The following PDE4D variants were observed in gnomAD, a reference collection of about 807,000 sequenced individuals.
PDE4D encodes 3',5'-cyclic-AMP phosphodiesterase 4D.
A neutral mutation model predicts 87.4 loss-of-function variants in PDE4D; 24 were observed. The ratio of observed to expected loss-of-function variants is 0.27; its 90% confidence interval spans 0.20 to 0.39. PDE4D has a LOEUF of 0.39. PDE4D is among the 10% of genes least tolerant of loss of function. The pLI, the probability that PDE4D is intolerant of heterozygous loss-of-function variation, is 1.00. For synonymous variants in PDE4D, 384 were observed against 383.2 expected (o/e 1.00, Z -0.02); for missense variants, 714 against 1,041.0 (o/e 0.69, Z 4.32).
intron 1 of PDE4D, among the ~76,000 whole-genome samples, chr5:59,424,379 T>C (rs1243150374): frequency 1.3e-5 from 2 of 152,170 alleles, no homozygotes; most frequent in Non-Finnish European, 2.9e-5. Flanking sequence ...AGTTTTTCCT[T>C]CATAAAACGT....
intron 1 of PDE4D, among the ~76,000 whole-genome samples, chr5:59,321,603 C>T (rs1398488926): frequency 6.6e-6 from 1 of 152,084 alleles, no homozygotes; most frequent in East Asian, 1.9e-4. Context: ...GAGTTTGGCT[C>T]TGAAATGTCT....
At chr5:59,897,813 A>T (rs189400237), upstream of PDE4D, among the ~76,000 whole-genome samples, 8 of 152,290 alleles carry the variant, frequency 5.3e-5, no homozygotes, top group East Asian at 1.4e-3. Context: ...TTTCATCATC[A>T]TATGTGTTAC....
chr5:59,411,675 G>A (rs1215992742), intron 1 of PDE4D, among the ~76,000 whole-genome samples: 1 of 152,026 alleles, frequency 6.6e-6, no homozygotes, highest in Non-Finnish European at 1.5e-5. Context: ...ATTGGATTAG[G>A]GGCCACTCTA....
At chr5:60,163,521 G>A (rs1436364392) in intron 2 of PDE4D, among the ~76,000 whole-genome samples, 4 of 152,152 alleles carry the variant, frequency 2.6e-5, no homozygotes, top group African/African-American at 9.6e-5. Flanking sequence ...CCTACAGACA[G>A]CAAAGGTAGT....
At chr5:60,418,876 A>G (rs113894984) in intron 1 of PDE4D, among the ~76,000 whole-genome samples, 2 of 150,932 alleles carry the variant, frequency 1.3e-5, no homozygotes, top group African/African-American at 4.9e-5. Flanking sequence ...TAGCCCCCTT[A>G]TTTGTTATAA....
At chr5:59,354,574 G>C (rs9292202) in intron 1 of PDE4D, among the ~76,000 whole-genome samples, 7,702 of 152,218 alleles carry the variant, frequency 0.051, 289 homozygotes, top group South Asian at 0.16. Context: ...AAAATTTTAA[G>C]TTATATGATA....
At chr5:60,053,211 A>G (rs950900439) in intron 2 of PDE4D, among the ~76,000 whole-genome samples, 1 of 152,204 alleles carries the variant, frequency 6.6e-6, no homozygotes, top group African/African-American at 2.4e-5. Flanking sequence ...ATACAGAACC[A>G]AAAAAGAGCC....
chr5:59,914,187 A>T (rs1006534919), intron 3 of PDE4D, among the ~76,000 whole-genome samples: 9 of 152,328 alleles, frequency 5.9e-5, no homozygotes, highest in Non-Finnish European at 7.3e-5. Context: ...CAAATATTAC[A>T]AAATCCCTGT....
At chr5:60,322,959 G>A (rs774672326) in intron 1 of PDE4D, among the ~76,000 whole-genome samples, 16 of 152,140 alleles carry the variant, frequency 1.1e-4, no homozygotes, top group East Asian at 1.9e-4. Flanking sequence ...CTGACCATCC[G>A]ATCTTTATCA....
intron 2 of PDE4D, among the ~76,000 whole-genome samples, chr5:60,151,258 C>T (rs1781476213): frequency 6.6e-6 from 1 of 152,142 alleles, no homozygotes; most frequent in South Asian, 2.1e-4. Flanking sequence ...GATCTGCCTG[C>T]CTCAGTCTTC....
At chr5:59,756,798 T>G (rs1580912164) in intron 1 of PDE4D, among the ~76,000 whole-genome samples, 1 of 147,492 alleles carries the variant, frequency 6.8e-6, no homozygotes. Flanking sequence ...TTGATGAATG[T>G]GGAGGTTCTT....
chr5:59,856,552 T>C (rs1745471037), intron 1 of PDE4D, among the ~76,000 whole-genome samples: 1 of 152,202 alleles, frequency 6.6e-6, no homozygotes, highest in Non-Finnish European at 1.5e-5. Context: ...GCAAGTAATT[T>C]TGTAATTGCC....
At chr5:59,237,785 GTGTGT>G (rs1561783006) in intron 1 of PDE4D, among the ~76,000 whole-genome samples, 3,903 of 147,034 alleles carry the variant, frequency 0.027, 88 homozygotes, top group African/African-American at 0.057. Flanking sequence ...TCATATAGGT[GTGTGT>G]GTGTGTGTGT....
At chr5:60,116,790 A>C (rs1778212369) in intron 2 of PDE4D, among the ~76,000 whole-genome samples, 1 of 152,100 alleles carries the variant, frequency 6.6e-6, no homozygotes, top group Non-Finnish European at 1.5e-5. Context: ...GAATGCAAAA[A>C]TAATATATTA....
At chr5:58,999,052 CTAAAGGTGAAAAAAACG>C (rs1749867955) in intron 6 of PDE4D, among the ~76,000 whole-genome samples, 1 of 151,864 alleles carries the variant, frequency 6.6e-6, no homozygotes, top group African/African-American at 2.4e-5. Context: ...GGCTTTATAG[CTAAAGGTGAAAAAAACG>C]TATTCCTCGT....
intron 1 of PDE4D, among the ~76,000 whole-genome samples, chr5:59,502,459 T>G (rs1405645957): frequency 1.3e-5 from 2 of 152,136 alleles, no homozygotes; most frequent in Non-Finnish European, 2.9e-5. Flanking sequence ...CAATAGGAAT[T>G]TCTTCCATAT....
intron 1 of PDE4D, among the ~76,000 whole-genome samples, chr5:59,443,552 G>C (rs1005409662): frequency 2.0e-5 from 3 of 152,126 alleles, no homozygotes; most frequent in Admixed American, 6.6e-5. Context: ...GACAGAAAAG[G>C]CCGGGTCATC....
At chr5:59,216,610 T>G (rs1268046181) in intron 1 of PDE4D, 2 of 154,632 alleles carry the variant, frequency 1.3e-5, no homozygotes, top group Non-Finnish European at 2.9e-5. Flanking sequence ...TTTGCCAGAC[T>G]GCCAGTCTAA....
At chr5:60,273,172 G>A (rs1750992404) in intron 1 of PDE4D, among the ~76,000 whole-genome samples, 1 of 152,102 alleles carries the variant, frequency 6.6e-6, no homozygotes, top group Non-Finnish European at 1.5e-5. Context: ...TTAACACTAA[G>A]GATAAGAAGA....
Sources: allele counts gnomAD v4.1 joint callset (sites outside exome capture counted in the v4.1 genomes callset), GRCh38; gene constraint gnomAD v4.1.1; transcripts MANE v1.5; gene names NCBI Gene and HGNC (gene_info 2026-07-23, HGNC 2026-07-21).